Variants in SPOCK3 observed in about 807,000 individuals in gnomAD.
SPOCK3 encodes the protein testican-3.
In SPOCK3, 30 loss-of-function variants were observed where a neutral mutation model predicts 56.6. The observed-to-expected ratio is 0.53, with a 90% CI of 0.40 to 0.72. The LOEUF (loss-of-function observed/expected upper bound fraction) is 0.72. Among genes scored for constraint, SPOCK3 ranks in the 30% least tolerant of loss-of-function variants. SPOCK3 has a pLI of 0.00. For missense variants in SPOCK3, 527 were observed against 530.0 expected, an observed-to-expected ratio of 0.99 and a Z score of 0.06; for synonymous variants, 196 against 183.3, an observed-to-expected ratio of 1.07 and a Z score of -0.56.
At chr4:167,017,691 A>G (rs1420481397) in intron 3 of SPOCK3, among the ~76,000 whole-genome samples, 1 of 152,036 alleles carries the variant, frequency 6.6e-6, no homozygotes, top group Non-Finnish European at 1.5e-5. Context: ...CTGCCAGCCC[A>G]GCCCCATCCT....
intron 3 of SPOCK3, among the ~76,000 whole-genome samples, chr4:167,045,887 C>A (rs529734258): frequency 6.6e-6 from 1 of 152,208 alleles, no homozygotes; most frequent in African/African-American, 2.4e-5. Context: ...CTCCCTTGTT[C>A]TTTTCTCAGT....
chr4:166,878,406 T>C (rs938780704), intron 6 of SPOCK3, among the ~76,000 whole-genome samples: 3 of 152,204 alleles, frequency 2.0e-5, no homozygotes, highest in Non-Finnish European at 4.4e-5. Flanking sequence ...CTCCCAAATA[T>C]ATACACTATA....
chr4:166,902,409 GTTCTCAACTAAAA>G (rs1393502098), intron 5 of SPOCK3, among the ~76,000 whole-genome samples: 1 of 151,832 alleles, frequency 6.6e-6, no homozygotes, highest in Non-Finnish European at 1.5e-5. Context: ...CTTCTGGAAA[GTTCTCAACTAAAA>G]TTCTCAACTA....
chr4:166,735,548 T>G (rs1243718714), intron 10 of SPOCK3, among the ~76,000 whole-genome samples: 1 of 152,044 alleles, frequency 6.6e-6, no homozygotes, highest in Non-Finnish European at 1.5e-5. Context: ...GGAGAGATTA[T>G]CCTGAATTAC....
intron 5 of SPOCK3, among the ~76,000 whole-genome samples, chr4:166,901,943 G>A (rs75341555): frequency 0.029 from 4,417 of 152,132 alleles, 184 homozygotes; most frequent in African/African-American, 0.09. Context: ...AGTGGCCTAC[G>A]TAGAGGAACA....
chr4:167,205,355 T>TATATTATATATTATAGATATAAA (rs1561321596), intron 2 of SPOCK3, among the ~76,000 whole-genome samples: 199 of 38,860 alleles, frequency 5.1e-3, no homozygotes, highest in Middle Eastern at 0.02. Context: ...ATATATAATA[T>TATATTATATATTATAGATATAAA]ATATATTATA....
At chr4:167,191,443 T>G (rs989733186) in intron 2 of SPOCK3, among the ~76,000 whole-genome samples, 1 of 145,572 alleles carries the variant, frequency 6.9e-6, no homozygotes, top group Admixed American at 7.1e-5. Context: ...ATCTTTTCAT[T>G]TATTTGTGTC....
rs551605280 is a variant in SPOCK3, at chr4:167,219,343, T to A, written c.189+14642A>T. Among the ~76,000 whole-genome samples the A allele has an allele frequency of 7.0e-4, 107 of 152,210 alleles. 1 individual carries two copies. The highest frequency in any genetic ancestry group is 2.5e-3 in the African/African-American group (105 of 41,466). Reference sequence around the variant, plus strand: ...TGTGCCAAGGCAATTAGCAAGCTCGTATTTCAGAGTATCTTGCCTATTGTA... The same window carrying A: ...TGTGCCAAGGCAATTAGCAAGCTCGAATTTCAGAGTATCTTGCCTATTGTA... On this transcript the variant is annotated intron_variant, in intron 2 of 10. Coordinates refer to ENST00000357545, the MANE Select transcript of SPOCK3 (RefSeq NM_001040159.2).
At chr4:167,225,449 C>T (rs1425365030) in intron 2 of SPOCK3, among the ~76,000 whole-genome samples, 2 of 151,898 alleles carry the variant, frequency 1.3e-5, no homozygotes, top group South Asian at 2.1e-4. Context: ...GACATGACTG[C>T]AAGGGAAAAA....
At chr4:167,108,998 AT>A (rs1561223809) in intron 2 of SPOCK3, among the ~76,000 whole-genome samples, 5 of 98,768 alleles carry the variant, frequency 5.1e-5, no homozygotes, top group Admixed American at 2.9e-4. Context: ...ATATTTATAT[AT>A]ATATAAATAT....
chr4:166,795,752 T>C (rs1239846171), intron 6 of SPOCK3, among the ~76,000 whole-genome samples: 1 of 149,412 alleles, frequency 6.7e-6, no homozygotes, highest in African/African-American at 2.4e-5. Flanking sequence ...TCAATAAATA[T>C]TTTTTTCAGG....
intron 6 of SPOCK3, among the ~76,000 whole-genome samples, chr4:166,837,613 G>A (rs754338046): frequency 6.6e-6 from 1 of 152,100 alleles, no homozygotes; most frequent in Non-Finnish European, 1.5e-5. Flanking sequence ...CCTTATGTGA[G>A]ATATAACGTC....
At chr4:166,801,016 C>T (rs1742536831) in intron 6 of SPOCK3, among the ~76,000 whole-genome samples, 1 of 152,100 alleles carries the variant, frequency 6.6e-6, no homozygotes, top group Non-Finnish European at 1.5e-5. Flanking sequence ...GAATACTTAC[C>T]ATTGTGTTAC....
At position 167,224,192 on chromosome 4, in the gene SPOCK3, G is replaced by A. The variant is rs1580683445; in HGVS notation, c.189+9793C>T. Among the ~76,000 whole-genome samples the A allele has an allele frequency of 2.0e-5, 3 of 151,390 alleles. No homozygotes were observed. In the East Asian group the frequency reaches 5.8e-4, roughly 29 times the overall value. ...ATATTTTTTCATTTTTATTATCTTTGTCATCTTGCTTACTATATACATGTT... is the reference window on the plus strand; with the variant it reads ...ATATTTTTTCATTTTTATTATCTTTATCATCTTGCTTACTATATACATGTT... On this transcript the variant is annotated intron_variant, in intron 2 of 10. Coordinates refer to ENST00000357545, the MANE Select transcript of SPOCK3 (RefSeq NM_001040159.2).
intron 4 of SPOCK3, among the ~76,000 whole-genome samples, chr4:166,937,933 T>C (rs1446069831): frequency 2.3e-5 from 2 of 86,150 alleles, no homozygotes; most frequent in African/African-American, 7.2e-5. Flanking sequence ...CCGGCTAATC[T>C]CTTTTTTTTT....
intron 6 of SPOCK3, among the ~76,000 whole-genome samples, chr4:166,804,000 A>G (rs796464839): frequency 1.2e-4 from 18 of 152,306 alleles, no homozygotes; most frequent in African/African-American, 4.3e-4. Context: ...AAACTGAAAG[A>G]AAGAAGGGTT....
intron 6 of SPOCK3, among the ~76,000 whole-genome samples, chr4:166,808,823 G>T (rs1483985024): frequency 6.6e-6 from 1 of 151,974 alleles, no homozygotes; most frequent in Non-Finnish European, 1.5e-5. Flanking sequence ...TACAAACAGA[G>T]GCAAAATTGG....
intron 6 of SPOCK3, among the ~76,000 whole-genome samples, chr4:166,883,661 G>A (rs1241841372): frequency 6.6e-6 from 1 of 152,148 alleles, no homozygotes; most frequent in Non-Finnish European, 1.5e-5. Flanking sequence ...TGGACCCATT[G>A]TACTTAGAAA....
intron 6 of SPOCK3, among the ~76,000 whole-genome samples, chr4:166,864,346 AC>A (rs1220064976): frequency 6.6e-6 from 1 of 152,178 alleles, no homozygotes. Context: ...TCTGAAATTG[AC>A]ACACTGGACA....
Sources: allele counts gnomAD v4.1 joint callset (sites outside exome capture counted in the v4.1 genomes callset), GRCh38; gene constraint gnomAD v4.1.1; transcripts MANE v1.5; gene names NCBI Gene and HGNC (gene_info 2026-07-23, HGNC 2026-07-21).